SEMA3A: variants seen among roughly 807,000 people sequenced by gnomAD.
SEMA3A encodes semaphorin 3A.
SEMA3A carries 29 observed loss-of-function variants against 97.9 expected under a neutral mutation model. That is an observed-to-expected ratio of 0.30 (90% CI 0.22 to 0.40). The LOEUF is 0.40. Among genes scored for constraint, SEMA3A ranks in the 10% least tolerant of loss-of-function variants. The pLI, the probability that SEMA3A is intolerant of heterozygous loss-of-function variation, is 1.00. For missense variants in SEMA3A, 763 were observed against 951.3 expected (o/e 0.80, Z 2.60); for synonymous variants, 321 against 323.7 (o/e 0.99, Z 0.09).
intron 1 of SEMA3A, among the ~76,000 whole-genome samples, chr7:84,429,869 A>T (rs1471412731): frequency 6.6e-6 from 1 of 151,780 alleles, no homozygotes; most frequent in East Asian, 1.9e-4. Context: ...ATGGACATGA[A>T]GCCTTTCCTT....
In SEMA3A at chr7:83,977,808, C is replaced by CT. The variant is rs1368534487; in HGVS notation, c.1653-613dup. ...CTATCCTTTTTTTTTTTCTTTCTTT[C>CT]TTTTTTTTTTTTTGAGACAGAATCT... On this transcript the variant is annotated intron_variant, in intron 14 of 16. Transcript: ENST00000265362. Among the ~76,000 whole-genome samples, 474 of 109,826 alleles carry CT rather than the reference C, an allele frequency of 4.3e-3. 1 individual carries two copies. The highest frequency in any genetic ancestry group is 0.014 in the South Asian group (48 of 3,476). 72.1% of individuals were successfully genotyped at this position (109,826 alleles called of 152,430 possible).
intron 12 of SEMA3A, among the ~76,000 whole-genome samples, chr7:84,001,124 T>C (rs747857661): frequency 6.6e-6 from 1 of 152,042 alleles, no homozygotes; most frequent in Non-Finnish European, 1.5e-5. Context: ...TATTCTTTTA[T>C]CAAAAAATTC....
intron 15 of SEMA3A, among the ~76,000 whole-genome samples, chr7:83,971,290 G>A (rs797808): frequency 0.28 from 42,470 of 151,878 alleles, 6,941 homozygotes; most frequent in East Asian, 0.63. Flanking sequence ...AAATTAGCTG[G>A]GCATGGTAGT....
chr7:83,968,804 C>CTTTT (rs34837012), intron 15 of SEMA3A, among the ~76,000 whole-genome samples: 37 of 86,956 alleles, frequency 4.3e-4, no homozygotes, highest in African/African-American at 5.0e-4. Context: ...CTTTTCTTTC[C>CTTTT]TTTTTTTTTT....
intron 1 of SEMA3A, among the ~76,000 whole-genome samples, chr7:84,429,252 C>A (rs933558835): frequency 6.6e-6 from 1 of 151,612 alleles, no homozygotes; most frequent in African/African-American, 2.4e-5. Flanking sequence ...TACTACAAAA[C>A]ATTTCTGTGC....
chr7:84,424,656 T>A (rs1804722459), intron 1 of SEMA3A, among the ~76,000 whole-genome samples: 1 of 94,898 alleles, frequency 1.1e-5, no homozygotes, highest in Non-Finnish European at 1.8e-5. Context: ...TATTTATATA[T>A]TATATAATAT....
intron 1 of SEMA3A, among the ~76,000 whole-genome samples, chr7:84,453,742 A>G (rs2116371594): frequency 6.6e-6 from 1 of 152,330 alleles, no homozygotes; most frequent in African/African-American, 2.4e-5. Context: ...TAACTTATTA[A>G]GAATAGCTGT....
intron 1 of SEMA3A, among the ~76,000 whole-genome samples, chr7:84,404,230 A>C (rs1423117930): frequency 2.0e-5 from 3 of 152,220 alleles, no homozygotes; most frequent in Non-Finnish European, 2.9e-5. Context: ...CCACAGGACG[A>C]GAACTACGTA....
chr7:84,420,484 G>A (rs1804558959), intron 1 of SEMA3A, among the ~76,000 whole-genome samples: 1 of 151,894 alleles, frequency 6.6e-6, no homozygotes, highest in Admixed American at 6.6e-5. Flanking sequence ...CTTGAAGATA[G>A]GTCAATTAAA....
chr7:84,062,612 G>C (rs1021708699), intron 4 of SEMA3A, among the ~76,000 whole-genome samples: 1 of 152,220 alleles, frequency 6.6e-6, no homozygotes, highest in African/African-American at 2.4e-5. Context: ...CTTGGGAAGC[G>C]CAAGGGGTCA....
chr7:84,051,227 T>G (rs905507523), intron 5 of SEMA3A, among the ~76,000 whole-genome samples: 27 of 151,524 alleles, frequency 1.8e-4, no homozygotes, highest in African/African-American at 6.3e-4. Flanking sequence ...TTTAAAGTAG[T>G]TTTTTCCAAT....
chr7:84,167,793 T>C (rs891727092), intron 1 of SEMA3A, among the ~76,000 whole-genome samples: 1 of 152,200 alleles, frequency 6.6e-6, no homozygotes, highest in African/African-American at 2.4e-5. Context: ...AAAGTTAGCA[T>C]ACTATTCCTT....
intron 9 of SEMA3A, among the ~76,000 whole-genome samples, chr7:84,008,318 C>T (rs1367147236): frequency 2.0e-5 from 3 of 151,700 alleles, no homozygotes; most frequent in African/African-American, 4.8e-5. Context: ...GGTGAAACCC[C>T]GTCTCTACTA....
intron 1 of SEMA3A, among the ~76,000 whole-genome samples, chr7:84,408,714 T>TA (rs36140626): frequency 4.7e-5 from 7 of 150,332 alleles, no homozygotes; most frequent in Non-Finnish European, 1.0e-4. Context: ...TATGCAGCCA[T>TA]AAAAAAATGA....
intron 1 of SEMA3A, among the ~76,000 whole-genome samples, chr7:84,413,268 C>A (rs1804326084): frequency 6.6e-6 from 1 of 152,014 alleles, no homozygotes; most frequent in South Asian, 2.1e-4. Flanking sequence ...AAGTCACATT[C>A]TTAAAGATTT....
intron 2 of SEMA3A, among the ~76,000 whole-genome samples, chr7:84,337,405 A>G (rs1802063814): frequency 6.6e-6 from 1 of 152,140 alleles, no homozygotes; most frequent in East Asian, 1.9e-4. Context: ...TAAAGCAGGC[A>G]TCTTATGAGA....
At chr7:83,977,037 T>TGAGA (rs35361892) in intron 15 of SEMA3A, 95 bp downstream of exon 15, 1 of 585,590 alleles carries the variant, frequency 1.7e-6, no homozygotes, top group Admixed American at 3.1e-5. Flanking sequence ...TTAAGTATTC[T>TGAGA]GAGAGATGCA....
rs1351850338 is a variant in SEMA3A at position 84,429,558 on chromosome 7, A to C, written c.-245-57658T>G. Among the ~76,000 whole-genome samples the C allele has an allele frequency of 1.2e-4, 16 of 138,666 alleles. No homozygotes were observed. In the South Asian group the frequency reaches 3.3e-3, roughly 28 times the overall value. The allele number at this position is 138,666 out of a possible 152,430, so 91.0% of individuals were successfully genotyped here. A position where few individuals can be genotyped will look rare whatever the true frequency, so the allele number is the denominator to read the frequency against. On this transcript the variant is annotated intron_variant, in intron 1 of 3. Coordinates refer to the SEMA3A transcript ENST00000424555. ...TATATATATATATATAGCGAGAGAG[A>C]GAGAGAGAGAGAGAGGTTAAAATCG...
At chr7:84,216,528 T>C (rs1353460941) in intron 3 of SEMA3A, among the ~76,000 whole-genome samples, 1 of 152,190 alleles carries the variant, frequency 6.6e-6, no homozygotes, top group African/African-American at 2.4e-5. Flanking sequence ...GCTTGAATTT[T>C]ACTGATATTT....
Sources: gnomAD v4.1 joint callset for allele counts (sites outside exome capture counted in the v4.1 genomes callset) on GRCh38, gnomAD v4.1.1 for gene constraint, MANE v1.5 for transcripts, NCBI Gene and HGNC (gene_info 2026-07-23, HGNC 2026-07-21) for gene names.